Variants in JAKMIP3 observed in about 807,000 individuals in gnomAD.
JAKMIP3 encodes janus kinase and microtubule-interacting protein 3.
A neutral mutation model predicts 118.5 loss-of-function variants in JAKMIP3; 58 were observed. The ratio of observed to expected loss-of-function variants is 0.49; its 90% CI spans 0.40 to 0.61. The LOEUF is 0.61. Ranked by LOEUF, JAKMIP3 falls within the 20% of genes least tolerant of loss-of-function variation. The pLI is 0.00. For synonymous variants in JAKMIP3, 486 were observed against 451.2 expected (o/e 1.08, Z -0.98); for missense variants, 950 against 1,109.0 (o/e 0.86, Z 2.04).
intron 19 of JAKMIP3, 38 bp from the exon 20 acceptor site, chr10:132,163,171 A>G: frequency 6.5e-7 from 1 of 1,530,788 alleles, no homozygotes. Context: ...TGTTCTGGGG[A>G]GAAGGCAAGG....
At chr10:132,159,716 C>T (rs1224227116) in intron 19 of JAKMIP3, among the ~76,000 whole-genome samples, 4 of 98,244 alleles carry the variant, frequency 4.1e-5, no homozygotes, top group Non-Finnish European at 7.6e-5. Flanking sequence ...CTGTGTGATG[C>T]TGGGGGCATG....
In JAKMIP3 at chr10:132,140,507, C is replaced by T. The variant is rs2818387; in HGVS notation, c.1401C>T (p.Asp467=). The change falls in exon 10 of 24, where the codon GAC becomes GAT. Residue 467 remains aspartate, a synonymous_variant. Transcript: ENST00000684848. ...GYDEEASLES[D]GSSVSYQTDR... is the part of the protein sequence containing the mutation. The stretch of plus-strand genomic sequence containing the variant: ...ACGAAGAGGCTTCCCTGGAATCCGA[C>T]GGCTCCTCCGTCTCTTACCAAACAG... 0.5 allele frequency: 798,924 copies of T among 1,609,306 alleles called. 199,073 individuals are homozygous for T. Among genetic ancestry groups the T allele is most frequent in the Admixed American group, 0.56 (33,411 of 59,558 alleles).
At chr10:132,124,461 G>C (rs952533386) in intron 3 of JAKMIP3, among the ~76,000 whole-genome samples, 1 of 148,382 alleles carries the variant, frequency 6.7e-6, no homozygotes, top group East Asian at 2.0e-4. Context: ...GAGCCGGTGG[G>C]CCGCGCCATA....
intron 1 of JAKMIP3, among the ~76,000 whole-genome samples, chr10:132,039,700 C>G (rs1485446964): frequency 6.6e-6 from 1 of 152,228 alleles, no homozygotes. Context: ...TCTGGCTGGC[C>G]CCCGATTCCC....
intron 1 of JAKMIP3, among the ~76,000 whole-genome samples, chr10:132,102,216 A>G (rs975946296): frequency 6.6e-6 from 1 of 152,004 alleles, no homozygotes; most frequent in Non-Finnish European, 1.5e-5. Flanking sequence ...GCCTTTCCCA[A>G]GCTGCCTAGG....
At chr10:132,097,626 G>T (rs2044064347) in intron 1 of JAKMIP3, among the ~76,000 whole-genome samples, 1 of 152,084 alleles carries the variant, frequency 6.6e-6, no homozygotes, top group Non-Finnish European at 1.5e-5. Flanking sequence ...TTGTCCCCTG[G>T]CTGTGATACT....
rs559856713 is a variant in JAKMIP3 at position 132,044,994 on chromosome 10, G to T, written c.-138+8256G>T. Among the ~76,000 whole-genome samples the T allele has an allele frequency of 2.0e-5, 3 of 152,250 alleles. No homozygotes were observed. The highest frequency in any genetic ancestry group is 7.2e-5 in the African/African-American group (3 of 41,544). ...TGCGTTTTGCTGACTCATCATCCGC[G>T]GGTGGACACTGGGGGGCTCCATGTT... is the stretch of plus-strand genomic sequence containing the variant. On this transcript the variant is annotated intron_variant, in intron 1 of 23. Transcript: ENST00000657785. The surrounding 1 kb of genome is among the most constrained non-coding windows in gnomAD (Gnocchi z 5.3).
chr10:132,061,947 G>C (rs1393078918), upstream of JAKMIP3, among the ~76,000 whole-genome samples: 1 of 152,174 alleles, frequency 6.6e-6, no homozygotes, highest in African/African-American at 2.4e-5. Flanking sequence ...CCAGATGGTA[G>C]ACAAAGACTA....
chr10:132,089,033 T>C (rs2042777863), intron 1 of JAKMIP3, among the ~76,000 whole-genome samples: 1 of 152,192 alleles, frequency 6.6e-6, no homozygotes, highest in Non-Finnish European at 1.5e-5. Context: ...TGTGGTATTA[T>C]TTCTGAGGGC....
intron 23 of JAKMIP3, among the ~76,000 whole-genome samples, chr10:132,180,667 G>A (rs1414436580): frequency 5.6e-5 from 2 of 35,562 alleles, no homozygotes; most frequent in Admixed American, 7.4e-4. Flanking sequence ...GCGTGTGTGC[G>A]TGTGTGTGCG....
chr10:132,124,676 G>A (rs1408472594), intron 3 of JAKMIP3, among the ~76,000 whole-genome samples: 2 of 152,240 alleles, frequency 1.3e-5, no homozygotes, highest in Non-Finnish European at 2.9e-5. Flanking sequence ...AGGCATTTGA[G>A]TCATGTCCCA....
chr10:132,092,246 T>G (rs1425126869), intron 1 of JAKMIP3, among the ~76,000 whole-genome samples: 1 of 152,192 alleles, frequency 6.6e-6, no homozygotes, highest in East Asian at 1.9e-4. Flanking sequence ...TTATGTGTCT[T>G]GGAGTTGCTC....
intron 1 of JAKMIP3, among the ~76,000 whole-genome samples, chr10:132,043,145 T>C (rs2037811747): frequency 6.6e-6 from 1 of 152,214 alleles, no homozygotes; most frequent in Non-Finnish European, 1.5e-5. Context: ...AGTTTATTTC[T>C]GAATGTGGCT....
chr10:132,094,380 G>A (rs1270907308), intron 1 of JAKMIP3, among the ~76,000 whole-genome samples: 1 of 152,108 alleles, frequency 6.6e-6, no homozygotes, highest in Non-Finnish European at 1.5e-5. Flanking sequence ...CCTCTCATTT[G>A]GGTAGGCTCT....
chr10:132,081,472 T>G (rs2041750853), intron 1 of JAKMIP3, among the ~76,000 whole-genome samples: 1 of 152,206 alleles, frequency 6.6e-6, no homozygotes, highest in Non-Finnish European at 1.5e-5. Context: ...CTCACAGTGT[T>G]GCCTGCATCA....
Position 132,135,130 on chromosome 10 carries a change from T to C in JAKMIP3, c.939T>C (p.Asn313=), listed in dbSNP as rs2814182. ...SAIIRKLEDR[N]ALLSEERNEL... ...TTATCCGCAAACTGGAGGACCGCAA[T>C]GCATTGCTGTCGGAAGAGAGGAATG... Residue 313 remains asparagine, a synonymous_variant, in exon 5 of 24, where the codon AAT becomes AAC. Coordinates refer to ENST00000684848, the MANE Select transcript of JAKMIP3 (RefSeq NM_001323087.2). 1,173,864 of 1,611,694 alleles carry C rather than the reference T, an allele frequency of 0.73. 432,224 individuals are homozygous for C. The highest frequency in any genetic ancestry group is 0.98 in the East Asian group (44,148 of 44,860).
chr10:132,176,586 G>A (rs2060158037), intron 23 of JAKMIP3, among the ~76,000 whole-genome samples: 1 of 152,142 alleles, frequency 6.6e-6, no homozygotes, highest in Non-Finnish European at 1.5e-5. Flanking sequence ...TTTCCACAAC[G>A]CAGACTACTA....
At chr10:132,163,077 C>A in intron 19 of JAKMIP3, 132 bp from the exon 20 acceptor site, 1 of 854,924 alleles carries the variant, frequency 1.2e-6, no homozygotes, top group Non-Finnish European at 1.8e-6. Context: ...GGCCACAGCA[C>A]TGGGTCCCTC....
chr10:132,180,632 TGCGTGCGTGTGTGCGTGTGC>T (rs2060917683), intron 23 of JAKMIP3, among the ~76,000 whole-genome samples: 1 of 31,974 alleles, frequency 3.1e-5, no homozygotes, highest in African/African-American at 1.8e-4. Flanking sequence ...TGTGCGTGTG[TGCGTGCGTGTGTGCGTGTGC>T]GTGTGCGTGT....
Sources: allele counts gnomAD v4.1 joint callset (sites outside exome capture counted in the v4.1 genomes callset), GRCh38; gene constraint gnomAD v4.1.1; non-coding constraint Gnocchi (gnomAD v3.1); transcripts MANE v1.5; gene names NCBI Gene and HGNC (gene_info 2026-07-23, HGNC 2026-07-21).